Variants in CNTNAP2 observed in about 807,000 individuals in gnomAD.
CNTNAP2 encodes the protein contactin-associated protein-like 2.
In CNTNAP2, 98 loss-of-function variants were observed where a neutral mutation model predicts 155.2. The observed-to-expected ratio is 0.63, with a 90% CI of 0.54 to 0.75. The LOEUF is 0.75. CNTNAP2 is among the 30% of genes least tolerant of loss of function. The pLI is 0.00. For missense variants in CNTNAP2, 1,727 were observed against 1,688.1 expected, an observed-to-expected ratio of 1.02 and a Z score of -0.40; for synonymous variants, 651 against 631.2, an observed-to-expected ratio of 1.03 and a Z score of -0.47.
At chr7:147,025,896 A>T (rs1429542643) in intron 3 of CNTNAP2, among the ~76,000 whole-genome samples, 2 of 149,488 alleles carry the variant, frequency 1.3e-5, no homozygotes, top group South Asian at 4.3e-4. Context: ...ATTTGTTGAG[A>T]TCACCCAAGG....
chr7:147,769,990 T>A (rs1424636726), intron 13 of CNTNAP2, among the ~76,000 whole-genome samples: 1 of 152,242 alleles, frequency 6.6e-6, no homozygotes, highest in Non-Finnish European at 1.5e-5. Context: ...TTTTTTCGTT[T>A]ATTTTTCCTC....
At chr7:146,245,508 C>A (rs924191267) in intron 1 of CNTNAP2, among the ~76,000 whole-genome samples, 4,685 of 151,764 alleles carry the variant, frequency 0.031, 246 homozygotes, top group African/African-American at 0.11. Context: ...CAGTAAGATC[C>A]AGTTGTTTGC....
At chr7:147,768,041 C>T (rs1441183427) in intron 13 of CNTNAP2, among the ~76,000 whole-genome samples, 1 of 152,034 alleles carries the variant, frequency 6.6e-6, no homozygotes. Flanking sequence ...AGTGAGGAAA[C>T]AATGCTTTCA....
chr7:147,823,830 T>C (rs1040606560), intron 13 of CNTNAP2, among the ~76,000 whole-genome samples: 1 of 152,110 alleles, frequency 6.6e-6, no homozygotes, highest in Non-Finnish European at 1.5e-5. Context: ...GCAAAAGTAG[T>C]AAAGTTCTCT....
At chr7:146,436,082 G>C in intron 1 of CNTNAP2, among the ~76,000 whole-genome samples, 1 of 152,110 alleles carries the variant, frequency 6.6e-6, no homozygotes, top group Non-Finnish European at 1.5e-5. Flanking sequence ...TTTAGGGAAT[G>C]TCTACATTAT....
chr7:146,202,843 C>T (rs767041525), intron 1 of CNTNAP2, among the ~76,000 whole-genome samples: 3 of 152,062 alleles, frequency 2.0e-5, no homozygotes, highest in Non-Finnish European at 4.4e-5. Flanking sequence ...AAAATATTGA[C>T]AACAGTTGTC....
At chr7:147,101,078 G>A (rs572482431) in intron 4 of CNTNAP2, among the ~76,000 whole-genome samples, 88 of 152,236 alleles carry the variant, frequency 5.8e-4, no homozygotes, top group Non-Finnish European at 9.4e-4. Context: ...AGCATAGCCC[G>A]AGGAAAGGTG....
chr7:147,562,306 C>T (rs987304928), intron 12 of CNTNAP2, 49 bp downstream of exon 12: 17 of 1,609,384 alleles, frequency 1.1e-5, no homozygotes, highest in Middle Eastern at 2.0e-4. Flanking sequence ...CTATATGTCA[C>T]GAATAAGTAG....
chr7:146,698,309 A>C (rs1001729508), intron 1 of CNTNAP2, among the ~76,000 whole-genome samples: 1 of 152,026 alleles, frequency 6.6e-6, no homozygotes, highest in Admixed American at 6.6e-5. Flanking sequence ...TTCTCTGAGT[A>C]ATTTCTTTTA....
At chr7:146,195,631 T>C (rs561544200) in intron 1 of CNTNAP2, among the ~76,000 whole-genome samples, 2 of 152,264 alleles carry the variant, frequency 1.3e-5, no homozygotes, top group South Asian at 4.1e-4. Flanking sequence ...TTTTGAAGGG[T>C]GCAAACTGCT....
At chr7:146,832,207 A>G (rs1803526362) in intron 2 of CNTNAP2, among the ~76,000 whole-genome samples, 1 of 152,204 alleles carries the variant, frequency 6.6e-6, no homozygotes, top group Non-Finnish European at 1.5e-5. Context: ...CTGTTTTTGT[A>G]TCAATTAGAT....
At chr7:147,116,841 C>T (rs1801001761) in intron 5 of CNTNAP2, among the ~76,000 whole-genome samples, 1 of 152,030 alleles carries the variant, frequency 6.6e-6, no homozygotes, top group Non-Finnish European at 1.5e-5. Flanking sequence ...AGCAGTCTGG[C>T]CATGATCTGG....
intron 3 of CNTNAP2, among the ~76,000 whole-genome samples, chr7:146,996,087 G>T (rs1798303939): frequency 6.6e-6 from 1 of 151,724 alleles, no homozygotes; most frequent in Admixed American, 6.6e-5. Flanking sequence ...TTTATATATG[G>T]TGAGAAATAA....
Position 146,389,223 on chromosome 7 carries a change from T to TCACA in CNTNAP2, c.97+272279_97+272282dup, listed in dbSNP as rs3050929. ...TTATGGAGCAAATTGTAGGAAATAG[T>TCACA]CACACACACACACACACACACACAC... On this transcript the variant is annotated intron_variant, in intron 1 of 23. Coordinates refer to ENST00000361727, the MANE Select transcript of CNTNAP2 (RefSeq NM_014141.6). Among the ~76,000 whole-genome samples the TCACA allele has an allele frequency of 2.6e-3, 343 of 133,290 alleles. 1 individual carries two copies. The highest frequency in any genetic ancestry group is 9.0e-3 in the African/African-American group (301 of 33,470). 87.4% of individuals were successfully genotyped at this position (133,290 alleles called of 152,430 possible). A position where few individuals can be genotyped will look rare whatever the true frequency, so the allele number is the denominator to read the frequency against.
At chr7:148,109,120 G>C (rs533309874) in intron 15 of CNTNAP2, among the ~76,000 whole-genome samples, 1 of 152,282 alleles carries the variant, frequency 6.6e-6, no homozygotes, top group East Asian at 1.9e-4. Flanking sequence ...TGCACAGGCT[G>C]ACTGTAAGTG....
chr7:146,673,251 A>G (rs1010008298), intron 1 of CNTNAP2, among the ~76,000 whole-genome samples: 1 of 152,174 alleles, frequency 6.6e-6, no homozygotes, highest in African/African-American at 2.4e-5. Context: ...TTTGTAAGCA[A>G]TCCATTCTGT....
At chr7:146,138,093 A>C (rs886491532) in intron 1 of CNTNAP2, among the ~76,000 whole-genome samples, 1 of 152,240 alleles carries the variant, frequency 6.6e-6, no homozygotes, top group East Asian at 1.9e-4. Context: ...ATATAAGAAA[A>C]GCATCCTAAG....
At chr7:146,948,695 C>G (rs565094514) in intron 3 of CNTNAP2, among the ~76,000 whole-genome samples, 7 of 152,246 alleles carry the variant, frequency 4.6e-5, no homozygotes, top group Admixed American at 3.3e-4. Context: ...GAAGACAACT[C>G]TTTGGATGAG....
At chr7:147,334,786 G>C (rs1055074321) in intron 9 of CNTNAP2, among the ~76,000 whole-genome samples, 3 of 152,140 alleles carry the variant, frequency 2.0e-5, no homozygotes, top group East Asian at 3.9e-4. Context: ...GCATGTTCGT[G>C]TGTGAAAACG....
Sources: allele counts gnomAD v4.1 joint callset (sites outside exome capture counted in the v4.1 genomes callset), GRCh38; gene constraint gnomAD v4.1.1; transcripts MANE v1.5; gene names NCBI Gene and HGNC (gene_info 2026-07-23, HGNC 2026-07-21).